Variants in GNG12 observed in about 807,000 individuals in gnomAD.
GNG12 encodes G protein subunit gamma 12, also known as guanine nucleotide-binding protein G(I)/G(S)/G(O) subunit gamma-12.
For synonymous variants in GNG12, 28 were observed against 29.7 expected (o/e 0.94, Z 0.19); for missense variants, 69 against 83.8 (o/e 0.82, Z 0.69).
intron 2 of GNG12, among the ~76,000 whole-genome samples, chr1:67,764,148 T>G (rs1036616368): frequency 6.6e-6 from 1 of 151,970 alleles, no homozygotes; most frequent in Admixed American, 6.5e-5. Flanking sequence ...AGTAAAGAAA[T>G]AAACAAGAAA....
intron 1 of GNG12, among the ~76,000 whole-genome samples, chr1:67,833,091 T>A (rs1647059961): frequency 6.7e-6 from 1 of 150,176 alleles, no homozygotes; most frequent in Admixed American, 6.6e-5. Flanking sequence ...CGTTTCTGCC[T>A]CTGGGTCTCG....
At chr1:67,814,614 A>T (rs1179695213) in intron 1 of GNG12, among the ~76,000 whole-genome samples, 2 of 152,202 alleles carry the variant, frequency 1.3e-5, no homozygotes, top group East Asian at 3.8e-4. Context: ...TCTTCCCTGG[A>T]CTTTCTGTCC....
At chr1:67,749,990 C>G (rs1437022329) in intron 2 of GNG12, among the ~76,000 whole-genome samples, 9 of 152,150 alleles carry the variant, frequency 5.9e-5, no homozygotes, top group African/African-American at 1.9e-4. Context: ...CTTGGGCACT[C>G]TCAGAAAGGC....
At chr1:67,791,598 C>T (rs1557619244) in intron 1 of GNG12, among the ~76,000 whole-genome samples, 1 of 152,128 alleles carries the variant, frequency 6.6e-6, no homozygotes, top group Non-Finnish European at 1.5e-5. Context: ...GCTCCTTTCT[C>T]ACCAACTGCA....
chr1:67,711,219 G>C (rs1473704634), intron 2 of GNG12, among the ~76,000 whole-genome samples: 2 of 152,136 alleles, frequency 1.3e-5, no homozygotes, highest in Non-Finnish European at 2.9e-5. Flanking sequence ...GATTAAATGG[G>C]GGTAACTGTG....
chr1:67,782,031 C>T (rs1646740377), intron 1 of GNG12, among the ~76,000 whole-genome samples: 1 of 152,250 alleles, frequency 6.6e-6, no homozygotes, highest in South Asian at 2.1e-4. Flanking sequence ...CAAGCAGCCA[C>T]AGAGGCAGCT....
At chr1:67,713,730 G>T (rs1646309406) in intron 2 of GNG12, among the ~76,000 whole-genome samples, 1 of 152,134 alleles carries the variant, frequency 6.6e-6, no homozygotes, top group Admixed American at 6.5e-5. Flanking sequence ...TCTTTCTCTA[G>T]CTCTTTATCT....
At chr1:67,763,947 T>C (rs192322745) in intron 2 of GNG12, among the ~76,000 whole-genome samples, 199 of 152,352 alleles carry the variant, frequency 1.3e-3, no homozygotes, top group Admixed American at 2.5e-3. Flanking sequence ...AGCACTGACA[T>C]GCTAGTATTG....
intron 1 of GNG12, among the ~76,000 whole-genome samples, chr1:67,812,003 A>C (rs1646929036): frequency 6.6e-6 from 1 of 152,212 alleles, no homozygotes; most frequent in Non-Finnish European, 1.5e-5. Flanking sequence ...CAAGATAGAC[A>C]GTCACAGTTC....
chr1:67,832,000 T>A (rs575168804), intron 1 of GNG12, among the ~76,000 whole-genome samples: 1 of 152,234 alleles, frequency 6.6e-6, no homozygotes, highest in Admixed American at 6.5e-5. Context: ...ACTCCGCTTT[T>A]AAAATAGAGA....
intron 2 of GNG12, among the ~76,000 whole-genome samples, chr1:67,767,563 T>G (rs752354901): frequency 2.6e-5 from 4 of 152,210 alleles, no homozygotes; most frequent in Admixed American, 2.6e-4. Flanking sequence ...CCAGACCTCC[T>G]TGGGCTGCAC....
At chr1:67,743,212 G>A (rs1218377313) in intron 2 of GNG12, among the ~76,000 whole-genome samples, 1 of 152,226 alleles carries the variant, frequency 6.6e-6, no homozygotes, top group Admixed American at 6.5e-5. Flanking sequence ...GCAGCTGGGT[G>A]AGAATGAAAT....
chr1:67,809,867 T>TA (rs375247070), intron 1 of GNG12, among the ~76,000 whole-genome samples: 7 of 149,884 alleles, frequency 4.7e-5, no homozygotes, highest in South Asian at 2.1e-4. Context: ...GTTTGGCAGT[T>TA]AAAAAAAAAA....
chr1:67,727,333 G>A (rs912773807), intron 2 of GNG12, among the ~76,000 whole-genome samples: 1 of 152,168 alleles, frequency 6.6e-6, no homozygotes, highest in Non-Finnish European at 1.5e-5. Flanking sequence ...TACAAAGTCT[G>A]TTCTTGGAAT....
chr1:67,740,245 T>C (rs1247221239), intron 2 of GNG12, among the ~76,000 whole-genome samples: 1 of 152,278 alleles, frequency 6.6e-6, no homozygotes, highest in Non-Finnish European at 1.5e-5. Context: ...TATACAGGGC[T>C]ATGAATACTC....
At chr1:67,782,233 T>C (rs187136317) in intron 1 of GNG12, among the ~76,000 whole-genome samples, 10 of 152,352 alleles carry the variant, frequency 6.6e-5, no homozygotes, top group Admixed American at 5.9e-4. Context: ...AAGTCTATCC[T>C]ACAAATTTGT....
intron 1 of GNG12, among the ~76,000 whole-genome samples, chr1:67,831,996 C>T (rs1435637197): frequency 4.6e-5 from 7 of 152,138 alleles, no homozygotes; most frequent in African/African-American, 7.2e-5. Flanking sequence ...CCAAACTCCG[C>T]TTTTAAAATA....
intron 2 of GNG12, among the ~76,000 whole-genome samples, chr1:67,724,900 T>C (rs1646377534): frequency 6.6e-6 from 1 of 152,246 alleles, no homozygotes; most frequent in South Asian, 2.1e-4. Context: ...TAAAAGTCTA[T>C]AGTCCTAAAC....
intron 1 of GNG12, among the ~76,000 whole-genome samples, chr1:67,783,797 A>C (rs919525137): frequency 6.6e-6 from 1 of 152,138 alleles, no homozygotes; most frequent in African/African-American, 2.4e-5. Context: ...AATGGCGATC[A>C]TTAAAAAGTC....
Sources: gnomAD v4.1 joint callset for allele counts (sites outside exome capture counted in the v4.1 genomes callset) on GRCh38, gnomAD v4.1.1 for gene constraint, MANE v1.5 for transcripts, NCBI Gene and HGNC (gene_info 2026-07-23, HGNC 2026-07-21) for gene names.